Variants in EFCAB13 observed in about 807,000 individuals in gnomAD.
EFCAB13 encodes the protein EF-hand calcium binding domain 13, also known as EF-hand calcium-binding domain-containing protein 13.
Under a neutral mutation model 110.2 loss-of-function variants are expected in EFCAB13, and 91 were observed. The ratio of observed to expected loss-of-function variants is 0.83; its 90% CI spans 0.70 to 0.98. The LOEUF (loss-of-function observed/expected upper bound fraction) is 0.98, where lower values mean the gene tolerates loss of function less well. EFCAB13 is among the 50% of genes least tolerant of loss of function. The pLI, the probability that EFCAB13 is intolerant of heterozygous loss-of-function variation, is 0.00. For synonymous variants in EFCAB13, 323 were observed against 369.9 expected (o/e 0.87, Z 1.45); for missense variants, 968 against 1,119.4 (o/e 0.86, Z 1.93).
At chr17:47,397,693 AC>A (rs1294108443) in intron 17 of EFCAB13, among the ~76,000 whole-genome samples, 4 of 116,288 alleles carry the variant, frequency 3.4e-5, no homozygotes, top group Non-Finnish European at 7.2e-5. Flanking sequence ...GAGCGCCTCT[AC>A]CCGGCCGCGA....
chr17:47,398,699 G>C (rs2065762009), intron 17 of EFCAB13, among the ~76,000 whole-genome samples: 1 of 150,858 alleles, frequency 6.6e-6, no homozygotes, highest in Non-Finnish European at 1.5e-5. Context: ...CAAGTACCCA[G>C]GGACACAAAC....
At chr17:47,386,416 C>T (rs563431671) in intron 14 of EFCAB13, among the ~76,000 whole-genome samples, 21 of 152,268 alleles carry the variant, frequency 1.4e-4, no homozygotes, top group African/African-American at 4.6e-4. Context: ...CCACCCAGTC[C>T]GAACTTCCAG....
intron 13 of EFCAB13, 80 bp from the exon 14 acceptor site, chr17:47,379,102 A>G: frequency 9.8e-7 from 1 of 1,016,316 alleles, no homozygotes; most frequent in Non-Finnish European, 1.5e-6. Flanking sequence ...TAAATTTTAA[A>G]AATAGTTGTG....
chr17:47,377,220 G>C (rs868450373), intron 12 of EFCAB13, among the ~76,000 whole-genome samples: 18 of 152,056 alleles, frequency 1.2e-4, no homozygotes, highest in Non-Finnish European at 2.1e-4. Context: ...GGAATGCAGT[G>C]GTGCGATCTC....
chr17:47,340,207 T>G (rs949512924), intron 5 of EFCAB13: 3 of 152,144 alleles, frequency 2.0e-5, no homozygotes, highest in Admixed American at 2.0e-4. Flanking sequence ...GCAATTATCT[T>G]ACCTTTCTTT....
At chr17:47,412,046 A>G (rs2065838172) in intron 21 of EFCAB13, among the ~76,000 whole-genome samples, 1 of 152,242 alleles carries the variant, frequency 6.6e-6, no homozygotes, top group Non-Finnish European at 1.5e-5. Flanking sequence ...GTGAGCTGAG[A>G]TGGCACCACT....
chr17:47,348,059 A>G, intron 9 of EFCAB13, 108 bp downstream of exon 9: 1 of 914,944 alleles, frequency 1.1e-6, no homozygotes, highest in Non-Finnish European at 1.5e-6. Flanking sequence ...TATTGTAAAA[A>G]CATCATTTTT....
At chr17:47,404,265 T>G (rs529065223) in intron 19 of EFCAB13, among the ~76,000 whole-genome samples, 2 of 152,282 alleles carry the variant, frequency 1.3e-5, no homozygotes, top group East Asian at 3.9e-4. Context: ...AAAAACATCT[T>G]AGGAATTCAA....
At chr17:47,339,699 C>CAAAAA (rs60578114) in intron 5 of EFCAB13, among the ~76,000 whole-genome samples, 89 of 77,324 alleles carry the variant, frequency 1.2e-3, no homozygotes, top group African/African-American at 3.0e-3. Context: ...GACTCCATCT[C>CAAAAA]AAAAAAAAAA....
At chr17:47,390,706 T>G (rs994015661) in intron 14 of EFCAB13, among the ~76,000 whole-genome samples, 11 of 152,280 alleles carry the variant, frequency 7.2e-5, no homozygotes, top group African/African-American at 2.6e-4. Flanking sequence ...GTTTATCATT[T>G]TGGATTGAAA....
At chr17:47,439,162 C>CTTTGT (rs1905265508) in intron 24 of EFCAB13, among the ~76,000 whole-genome samples, 3 of 103,394 alleles carry the variant, frequency 2.9e-5, no homozygotes, top group East Asian at 2.6e-4. Flanking sequence ...TGAGTTTCCT[C>CTTTGT]TTTGTTTTGT....
At chr17:47,375,052 C>G in intron 12 of EFCAB13, 86 bp downstream of exon 12, 1 of 1,324,416 alleles carries the variant, frequency 7.6e-7, no homozygotes, top group South Asian at 2.0e-5. Flanking sequence ...GTAAGCATTT[C>G]AATTGTTAAC....
intron 4 of EFCAB13, among the ~76,000 whole-genome samples, chr17:47,333,391 G>T (rs758706662): frequency 6.6e-6 from 1 of 152,026 alleles, no homozygotes; most frequent in African/African-American, 2.4e-5. Flanking sequence ...TCTGTGGGTT[G>T]TTTCTCACCT....
At chr17:47,332,495 G>C (rs1390889679) in intron 4 of EFCAB13, among the ~76,000 whole-genome samples, 2 of 151,710 alleles carry the variant, frequency 1.3e-5, no homozygotes, top group Non-Finnish European at 2.9e-5. Context: ...ACTAAAACTT[G>C]TTCCTCCAGT....
intron 21 of EFCAB13, among the ~76,000 whole-genome samples, chr17:47,410,994 C>G (rs886657825): frequency 2.0e-5 from 3 of 152,108 alleles, no homozygotes; most frequent in Admixed American, 2.0e-4. Flanking sequence ...TCCCACTTGC[C>G]TGGTATCATT....
At chr17:47,351,500 GT>G (rs2143289636) in intron 9 of EFCAB13, among the ~76,000 whole-genome samples, 1 of 152,160 alleles carries the variant, frequency 6.6e-6, no homozygotes, top group East Asian at 1.9e-4. Flanking sequence ...TCATACAGTA[GT>G]TCTATTTTTA....
intron 17 of EFCAB13, among the ~76,000 whole-genome samples, chr17:47,398,248 G>GC (rs1390901507): frequency 6.5e-4 from 93 of 142,922 alleles, no homozygotes; most frequent in Middle Eastern, 3.7e-3. Context: ...GGGGGGGTCA[G>GC]CCCCCCGCCC....
rs538607774 is a variant in EFCAB13 at position 47,440,530 on chromosome 17, G to T, written c.2738G>T (p.Cys913Phe). ...AAGTTTTATTTAATATGTACTTATT[G>T]CCCAGATCTAGAAAGGCAAGCAGTG... ...AGKFYLICTY[C>F]PDLERQAVVY... The change falls in exon 25 of 25, where the codon TGC (cysteine) becomes TTC (phenylalanine). Residue 913 changes from cysteine to phenylalanine, a missense_variant. By Grantham distance (205) the Cys-to-Phe change is radical (BLOSUM62 -2). Coordinates refer to ENST00000331493, the MANE Select transcript of EFCAB13 (RefSeq NM_152347.5). The T allele has an allele frequency of 1.7e-5, 27 of 1,612,982 alleles. No homozygotes were observed. The East Asian group carries it at 5.1e-4, about 31-fold the overall frequency.
At chr17:47,331,079 A>G (rs1028051611) in intron 4 of EFCAB13, among the ~76,000 whole-genome samples, 5 of 152,116 alleles carry the variant, frequency 3.3e-5, no homozygotes, top group African/African-American at 1.2e-4. Flanking sequence ...CTTTTGAGAA[A>G]TATCTGTTCA....
Sources: gnomAD v4.1 joint callset for allele counts (sites outside exome capture counted in the v4.1 genomes callset) on GRCh38, gnomAD v4.1.1 for gene constraint, MANE v1.5 for transcripts, NCBI Gene and HGNC (gene_info 2026-07-23, HGNC 2026-07-21) for gene names.